The following THSD7B variants were observed in gnomAD, a reference collection of about 807,000 sequenced individuals.
The protein encoded by THSD7B is thrombospondin type 1 domain containing 7B, also known as thrombospondin type-1 domain-containing protein 7B.
A neutral mutation model predicts 213.6 loss-of-function variants in THSD7B; 138 were observed. The observed-to-expected ratio is 0.65, with a 90% CI of 0.56 to 0.74. THSD7B has a LOEUF of 0.74. Among genes scored for constraint, THSD7B ranks in the 30% least tolerant of loss-of-function variants. The pLI is 0.00. For missense variants in THSD7B, 1,931 were observed against 1,991.5 expected (o/e 0.97, Z 0.58); for synonymous variants, 742 against 687.0 (o/e 1.08, Z -1.25).
At chr2:137,260,624 G>A (rs1482739595) in intron 10 of THSD7B, among the ~76,000 whole-genome samples, 1 of 152,124 alleles carries the variant, frequency 6.6e-6, no homozygotes, top group South Asian at 2.1e-4. Flanking sequence ...AATAAGGCAG[G>A]TGCAGTGGCA....
intron 14 of THSD7B, among the ~76,000 whole-genome samples, chr2:137,445,578 T>C (rs1357367751): frequency 1.3e-5 from 2 of 151,484 alleles, no homozygotes; most frequent in South Asian, 2.1e-4. Context: ...CTCATGGAAG[T>C]AGTGAAGAGA....
intron 15 of THSD7B, among the ~76,000 whole-genome samples, chr2:137,510,581 A>G (rs777442424): frequency 5.3e-5 from 8 of 152,152 alleles, no homozygotes; most frequent in Non-Finnish European, 8.8e-5. Context: ...TCCAATGTAG[A>G]TAAGTTAGCA....
chr2:137,310,424 G>C (rs1683870446), intron 12 of THSD7B, among the ~76,000 whole-genome samples: 1 of 147,406 alleles, frequency 6.8e-6, no homozygotes. Context: ...AGATGAGTAG[G>C]TTGTGAAAAT....
intron 2 of THSD7B, among the ~76,000 whole-genome samples, chr2:137,009,672 C>T (rs367806403): frequency 4.9e-4 from 74 of 152,250 alleles, no homozygotes; most frequent in African/African-American, 1.7e-3. Context: ...TATCAGATCT[C>T]GTGAGACTTA....
At chr2:137,435,978 CTCATCT>C (rs1558796589) in intron 14 of THSD7B, among the ~76,000 whole-genome samples, 1 of 152,130 alleles carries the variant, frequency 6.6e-6, no homozygotes, top group Non-Finnish European at 1.5e-5. Context: ...ACTGCATGCT[CTCATCT>C]CCAGTCCATG....
chr2:137,113,650 T>C (rs1278593465), intron 4 of THSD7B, among the ~76,000 whole-genome samples: 1 of 152,126 alleles, frequency 6.6e-6, no homozygotes, highest in African/African-American at 2.4e-5. Context: ...TTGGCCAGGC[T>C]GGTCTCGAAC....
At chr2:137,531,864 A>G (rs1386988700) in intron 15 of THSD7B, among the ~76,000 whole-genome samples, 1 of 151,964 alleles carries the variant, frequency 6.6e-6, no homozygotes, top group African/African-American at 2.4e-5. Context: ...AGTGACATGG[A>G]AAATTTGGGT....
At chr2:137,479,406 C>A in intron 15 of THSD7B, 1 of 286,354 alleles carries the variant, frequency 3.5e-6, no homozygotes, top group Non-Finnish European at 7.2e-6. Context: ...TGTCCTCTGG[C>A]TTCCCAGTGG....
chr2:137,286,767 T>C (rs2104827012), intron 12 of THSD7B, among the ~76,000 whole-genome samples: 1 of 152,166 alleles, frequency 6.6e-6, no homozygotes, highest in East Asian at 1.9e-4. Context: ...TACTTCGAGG[T>C]TTGGACAAAA....
chr2:137,268,761 C>T (rs1295412717), intron 10 of THSD7B, among the ~76,000 whole-genome samples: 1 of 152,078 alleles, frequency 6.6e-6, no homozygotes, highest in African/African-American at 2.4e-5. Flanking sequence ...GAAATGCAGC[C>T]CAGTAGGTCT....
chr2:136,959,130 A>G (rs554306997), intron 2 of THSD7B, among the ~76,000 whole-genome samples: 11 of 152,346 alleles, frequency 7.2e-5, no homozygotes, highest in African/African-American at 2.6e-4. Flanking sequence ...GTTAGACACT[A>G]CCTAGGGATC....
chr2:137,425,543 G>A (rs994865688), intron 14 of THSD7B, among the ~76,000 whole-genome samples: 2 of 152,062 alleles, frequency 1.3e-5, no homozygotes, highest in African/African-American at 2.4e-5. Context: ...ATATATGGAA[G>A]GATATATGTA....
At chr2:136,819,114 A>T (rs1271748389) in intron 1 of THSD7B, among the ~76,000 whole-genome samples, 1 of 152,238 alleles carries the variant, frequency 6.6e-6, no homozygotes, top group Non-Finnish European at 1.5e-5. Flanking sequence ...AACAGTGGGA[A>T]CGAAAGGATC....
chr2:137,266,426 T>G (rs72852220), intron 10 of THSD7B, among the ~76,000 whole-genome samples: 15,756 of 152,192 alleles, frequency 0.1, 978 homozygotes, highest in Non-Finnish European at 0.14. Flanking sequence ...GCTTCAATCT[T>G]TGTGAGAGAG....
At chr2:137,227,239 G>A (rs1169018181) in intron 7 of THSD7B, among the ~76,000 whole-genome samples, 1 of 152,136 alleles carries the variant, frequency 6.6e-6, no homozygotes, top group Non-Finnish European at 1.5e-5. Flanking sequence ...AAAATCCCAA[G>A]TGACACGGTC....
intron 2 of THSD7B, among the ~76,000 whole-genome samples, chr2:136,977,404 AC>A (rs200590464): frequency 0.013 from 1,975 of 148,202 alleles, 38 homozygotes; most frequent in African/African-American, 0.045. Flanking sequence ...TTTTTCAAAA[AC>A]CCTGCTTCTG....
chr2:137,524,051 G>A (rs16839052), intron 15 of THSD7B, among the ~76,000 whole-genome samples: 25,415 of 151,976 alleles, frequency 0.17, 2,262 homozygotes, highest in South Asian at 0.28. Flanking sequence ...TCTACTAAGT[G>A]AAACTGCATA....
chr2:137,361,799 A>G (rs1685269724), intron 12 of THSD7B, among the ~76,000 whole-genome samples: 1 of 152,214 alleles, frequency 6.6e-6, no homozygotes, highest in Non-Finnish European at 1.5e-5. Flanking sequence ...ACCAAGTTGG[A>G]AAACACTCTT....
intron 2 of THSD7B, among the ~76,000 whole-genome samples, chr2:136,914,610 A>G (rs1684321426): frequency 6.6e-6 from 1 of 152,164 alleles, no homozygotes; most frequent in Non-Finnish European, 1.5e-5. Flanking sequence ...GATAGTGAAT[A>G]AGTCTCATGA....
Sources: gnomAD v4.1 joint callset for allele counts (sites outside exome capture counted in the v4.1 genomes callset) on GRCh38, gnomAD v4.1.1 for gene constraint, MANE v1.5 for transcripts, NCBI Gene and HGNC (gene_info 2026-07-23, HGNC 2026-07-21) for gene names.